NRM: variants seen among roughly 807,000 people sequenced by gnomAD.
NRM encodes nurim, also known as nuclear rim protein.
In NRM, 19 loss-of-function variants were observed where a neutral mutation model predicts 23.4. That is an observed-to-expected ratio of 0.81 (90% CI 0.57 to 1.19). The LOEUF is 1.19. NRM is among the 50% of genes most tolerant of loss of function. The pLI is 0.00. For missense variants in NRM, 232 were observed against 329.7 expected, an observed-to-expected ratio of 0.70 and a Z score of 2.30; for synonymous variants, 140 against 143.5, an observed-to-expected ratio of 0.98 and a Z score of 0.17.
In NRM at chr6:30,688,919, C is replaced by A; in HGVS notation, c.531G>T (p.Leu177=). 1.2e-6 allele frequency: 2 copies of A among 1,613,154 alleles called. No homozygotes were observed. The highest frequency in any genetic ancestry group is 8.5e-7 in the Non-Finnish European group (1 of 1,179,854). Residue 177 remains leucine (L), a synonymous_variant, in exon 4 of 4, where the codon CTG becomes CTT. Coordinates refer to ENST00000376421, the MANE Select transcript of NRM (RefSeq NM_001384369.1). The surrounding 1 kb of genome is among the most constrained non-coding windows in gnomAD (Gnocchi z 5.9). ...LKQVYYHVLG[L]GEPLALKSPR... ...GAGACTTCAGGGCCAGAGGCTCGCCCAGCCCCAGCACATGGTAGTATACCT... is the reference window on the plus strand; with the variant it reads ...GAGACTTCAGGGCCAGAGGCTCGCCAAGCCCCAGCACATGGTAGTATACCT...
chr6:30,688,648 C>T lies in NRM; in HGVS notation c.*13G>A. 1 of 1,610,958 alleles carries T rather than the reference C, an allele frequency of 6.2e-7. No homozygotes were observed. The highest frequency in any genetic ancestry group is 8.5e-7 in the Non-Finnish European group (1 of 1,178,226). On this transcript the variant is annotated 3_prime_UTR_variant, in exon 4 of 4. Transcript: ENST00000376421. This position sits in a 1 kb window ranked among gnomAD's most constrained non-coding sequence, Gnocchi z 5.9. ...GGAGAGGAAGAACAGGGCTTGTAAC[C>T]AGAGTGAGCTCCTCACTCTGCCTCC...
At position 30,689,211 on chromosome 6, in the gene NRM, C is replaced by T. The variant is rs781460772; in HGVS notation, c.507+65G>A. 6.9e-7 allele frequency: 1 copy of T among 1,451,630 alleles called. No individual in the cohort carries two copies. The highest frequency in any genetic ancestry group is 2.2e-5 in the Admixed American group (1 of 45,336). 89.9% of individuals were successfully genotyped at this position (1,451,630 alleles called of 1,614,324 possible). ...AGAAGAGCATGGGAGGAGGGAAACC[C>T]TTGAAAGGGAACGAGGAGTTCTAAA... On this transcript the variant is annotated intron_variant, in intron 3 of 3. Transcript: ENST00000376421. The surrounding 1 kb of genome is among the most constrained non-coding windows in gnomAD (Gnocchi z 4.7).
At position 30,689,276 on chromosome 6, in the gene NRM, C is replaced by T. The variant is rs1287155529; in HGVS notation, c.507G>A (p.Gln169=). The T allele has an allele frequency of 1.9e-6, 3 of 1,552,598 alleles. No individual in the cohort carries two copies. The highest frequency in any genetic ancestry group is 2.7e-5 in the African/African-American group (2 of 73,082). Residue 169 remains glutamine (Q), a splice_region_variant and synonymous_variant, in exon 3 of 4, where the codon CAG becomes CAA. Transcript: ENST00000376421. The surrounding 1 kb of genome is among the most constrained non-coding windows in gnomAD (Gnocchi z 4.7). ...ATAGGTAGGGATCTCGGAGCCTCAC[C>T]TGTTTGAGGCCCATGAGCTCAGCAT... The part of the protein sequence containing the change: ...FDYAELMGLK[Q]VYYHVLGLGE...
rs532056451 is a variant in NRM, at chr6:30,690,240, G to C, written c.137C>G (p.Ala46Gly). 3 of 1,569,236 alleles carry C rather than the reference G, an allele frequency of 1.9e-6. No individual in the cohort carries two copies. Among genetic ancestry groups the C allele is most frequent in the East Asian group, 2.3e-5 (1 of 44,058 alleles). Residue 46 changes from alanine (A) to glycine (G), a missense_variant, in exon 2 of 4, where the codon GCC (alanine) becomes GGC (glycine). By Grantham distance (60) the Ala-to-Gly change is moderately conservative. Coordinates refer to ENST00000376421, the MANE Select transcript of NRM (RefSeq NM_001384369.1). This position sits in a 1 kb window ranked among gnomAD's most constrained non-coding sequence, Gnocchi z 5.5. ...CAGGGCAGCCAGCCATCCCTGGCGG[G>C]CATCTACAGGAAGTTGAGGGAAAAA... Reference protein sequence around the residue: ...GGIPESGGPDARQGWLAALQD... With the variant: ...GGIPESGGPDGRQGWLAALQD...
At position 30,688,532 on chromosome 6, in the gene NRM, G is replaced by A. The variant is rs973871151; in HGVS notation, c.*129C>T. ...CTGGACCCAGAGAATAAAGTCTCAA[G>A]TAGTAGAAGGGGCATCTCCTTCAGT... On this transcript the variant is annotated 3_prime_UTR_variant, in exon 4 of 4. Coordinates refer to ENST00000376421, the MANE Select transcript of NRM (RefSeq NM_001384369.1). This position sits in a 1 kb window ranked among gnomAD's most constrained non-coding sequence, Gnocchi z 5.9. 1 of 1,041,386 alleles carries A rather than the reference G, an allele frequency of 9.6e-7. No individual in the cohort carries two copies. Among genetic ancestry groups the A allele is most frequent in the Non-Finnish European group, 1.4e-6 (1 of 709,026 alleles). 64.5% of individuals were successfully genotyped at this position (1,041,386 alleles called of 1,614,324 possible).
At position 30,688,966 on chromosome 6, in the gene NRM, A is replaced by C; in HGVS notation, c.508-24T>G. The C allele has an allele frequency of 6.9e-6, 11 of 1,599,236 alleles. No individual in the cohort carries two copies. Among genetic ancestry groups the C allele is most frequent in the Non-Finnish European group, 9.4e-6 (11 of 1,172,118 alleles). Reference sequence around the variant, plus strand: ...ACCTAAGAGAGGGAGAAGAGCTTAGAAATGGAGTCAAGCCCTTTTCTCATC... The same window carrying C: ...ACCTAAGAGAGGGAGAAGAGCTTAGCAATGGAGTCAAGCCCTTTTCTCATC... On this transcript the variant is annotated intron_variant, in intron 3 of 3. Transcript: ENST00000376421. This position sits in a 1 kb window ranked among gnomAD's most constrained non-coding sequence, Gnocchi z 5.9.
In NRM at chr6:30,688,476, G is replaced by A. The variant is rs2127620306; in HGVS notation, c.*185C>T. 8.9e-6 allele frequency: 6 copies of A among 672,676 alleles called. No homozygotes were observed. The highest frequency in any genetic ancestry group is 1.0e-5 in the Non-Finnish European group (4 of 401,250). 41.7% of individuals were successfully genotyped at this position (672,676 alleles called of 1,614,324 possible). On this transcript the variant is annotated 3_prime_UTR_variant, in exon 4 of 4. Transcript: ENST00000376421. This position sits in a 1 kb window ranked among gnomAD's most constrained non-coding sequence, Gnocchi z 5.9. ...GGTGAGAAGTGGACCTTGGAGTTCA[G>A]TGGCTGAAACTCAGAATTTAGGGTA...
chr6:30,688,396 T>TA lies in NRM; in HGVS notation c.*264_*265insT. 1 of 558,888 alleles carries TA rather than the reference T, an allele frequency of 1.8e-6. No homozygotes were observed. Among genetic ancestry groups the TA allele is most frequent in the South Asian group, 2.3e-5 (1 of 43,746 alleles). The allele number at this position is 558,888 out of a possible 1,614,324, so 34.6% of individuals were successfully genotyped here. A position where few individuals can be genotyped will look rare whatever the true frequency, so the allele number is the denominator to read the frequency against. On this transcript the variant is annotated 3_prime_UTR_variant, in exon 4 of 4. Coordinates refer to ENST00000376421, the MANE Select transcript of NRM (RefSeq NM_001384369.1). This position sits in a 1 kb window ranked among gnomAD's most constrained non-coding sequence, Gnocchi z 5.9. ...CAGGAGGCTGTTGAGGGGGAGAGTG[T>TA]CATGCTCTAAACAGTGAAGGGACAG... is the stretch of plus-strand genomic sequence containing the variant.
upstream of NRM, chr6:30,691,054 G>T: frequency 2.0e-6 from 3 of 1,498,578 alleles, no homozygotes; most frequent in Non-Finnish European, 2.7e-6. Flanking sequence ...CCCGCCCCCG[G>T]CTGAATCCAG....
At position 30,689,417 on chromosome 6, in the gene NRM, G is replaced by A; in HGVS notation, c.366C>T (p.Gly122=). 6.3e-7 allele frequency: 1 copy of A among 1,575,272 alleles called. No homozygotes were observed. Among genetic ancestry groups the A allele is most frequent in the Non-Finnish European group, 8.6e-7 (1 of 1,160,566 alleles). The change falls in exon 3 of 4, where the codon GGC becomes GGT. Residue 122 remains glycine (G), a synonymous_variant. Transcript: ENST00000376421. The surrounding 1 kb of genome is among the most constrained non-coding windows in gnomAD (Gnocchi z 4.7). ...CAGCCCGAGCCTCCCACAACACAGGGCCTTTGGGTATGGGCTCCCAGTACC... is the reference window on the plus strand; with the variant it reads ...CAGCCCGAGCCTCCCACAACACAGGACCTTTGGGTATGGGCTCCCAGTACC... ...VMRYWEPIPK[G]PVLWEARAEP...
Position 30,689,086 on chromosome 6 carries a change from C to G in NRM, c.508-144G>C, listed in dbSNP as rs1771287166. ...AGACTTGGATCCCTGATCCTGACTTCTGATCCATGTACCTTCCCCAGGCCC... is the reference window on the plus strand; with the variant it reads ...AGACTTGGATCCCTGATCCTGACTTGTGATCCATGTACCTTCCCCAGGCCC... On this transcript the variant is annotated intron_variant, in intron 3 of 3. Coordinates refer to ENST00000376421, the MANE Select transcript of NRM (RefSeq NM_001384369.1). The surrounding 1 kb of genome is among the most constrained non-coding windows in gnomAD (Gnocchi z 4.7). 2 of 1,131,838 alleles carry G rather than the reference C, an allele frequency of 1.8e-6. No individual in the cohort carries two copies. The highest frequency in any genetic ancestry group is 1.6e-5 in the South Asian group (1 of 61,502). 70.1% of individuals were successfully genotyped at this position (1,131,838 alleles called of 1,614,324 possible). A position where few individuals can be genotyped will look rare whatever the true frequency, so the allele number is the denominator to read the frequency against.
Position 30,690,664 on chromosome 6 carries a change from C to T in NRM, c.133+178G>A. 5.6e-6 allele frequency: 9 copies of T among 1,601,632 alleles called. No individual in the cohort carries two copies. The highest frequency in any genetic ancestry group is 6.0e-6 in the Non-Finnish European group (7 of 1,175,064). On this transcript the variant is annotated intron_variant, in intron 1 of 3. Coordinates refer to ENST00000376421, the MANE Select transcript of NRM (RefSeq NM_001384369.1). This position sits in a 1 kb window ranked among gnomAD's most constrained non-coding sequence, Gnocchi z 5.5. ...TCTCCCGCCTCTCCAAAACTCTAAT[C>T]CTTGAGTTCCTAATTTAGAACTCAG...
At position 30,689,028 on chromosome 6, in the gene NRM, T is replaced by G. The variant is rs534979900; in HGVS notation, c.508-86A>C. 7.1e-7 allele frequency: 1 copy of G among 1,415,750 alleles called. No homozygotes were observed. Among genetic ancestry groups the G allele is most frequent in the South Asian group, 1.4e-5 (1 of 71,116 alleles). 87.7% of individuals were successfully genotyped at this position (1,415,750 alleles called of 1,614,324 possible). ...TTTCCTCCTCTTCCAGGCACCACCC[T>G]TCTAGAACTCAGGCCCAGGAACCCC... On this transcript the variant is annotated intron_variant, in intron 3 of 3. Transcript: ENST00000376421. This position sits in a 1 kb window ranked among gnomAD's most constrained non-coding sequence, Gnocchi z 4.7.
rs1342031158 is a variant in NRM, at chr6:30,690,625, C to T, written c.133+217G>A. ...ACTCCGGTCACCGCCCTTTTCGGCTCCCTCAGTCCTCACTCTCCCGCCTCT... is the reference window on the plus strand; with the variant it reads ...ACTCCGGTCACCGCCCTTTTCGGCTTCCTCAGTCCTCACTCTCCCGCCTCT... On this transcript the variant is annotated intron_variant, in intron 1 of 3. Transcript: ENST00000376421. The surrounding 1 kb of genome is among the most constrained non-coding windows in gnomAD (Gnocchi z 5.5). 1 of 1,560,374 alleles carries T rather than the reference C, an allele frequency of 6.4e-7. No homozygotes were observed. Among genetic ancestry groups the T allele is most frequent in the Admixed American group, 1.9e-5 (1 of 52,372 alleles).
chr6:30,688,770 T>TAG lies in NRM; in HGVS notation c.678_679dup (p.Tyr227SerfsTer82), dbSNP rs764677622. ...ATCAAGCCCGTGAGCCAGGCCCAGG[T>TAG]AGAGGGTAAGGAGGAAAGCAAGGAG... On this transcript the variant is annotated frameshift_variant, in exon 4 of 4. Coordinates refer to ENST00000376421, the MANE Select transcript of NRM (RefSeq NM_001384369.1). LOFTEE classifies it high-confidence loss of function. The surrounding 1 kb of genome is among the most constrained non-coding windows in gnomAD (Gnocchi z 5.9). 2 of 1,612,060 alleles carry TAG rather than the reference T, an allele frequency of 1.2e-6. No homozygotes were observed. Among genetic ancestry groups the TAG allele is most frequent in the Admixed American group, 1.7e-5 (1 of 59,802 alleles).
chr6:30,690,424 G>C lies in NRM; in HGVS notation c.134-181C>G. 8.9e-7 allele frequency: 1 copy of C among 1,119,682 alleles called. No individual in the cohort carries two copies. The highest frequency in any genetic ancestry group is 1.2e-6 in the Non-Finnish European group (1 of 801,844). 69.4% of individuals were successfully genotyped at this position (1,119,682 alleles called of 1,614,324 possible). On this transcript the variant is annotated intron_variant, in intron 1 of 3. Transcript: ENST00000376421. The surrounding 1 kb of genome is among the most constrained non-coding windows in gnomAD (Gnocchi z 5.5). ...TCCCTAGTTTCTGCCCTCTTCCCTA[G>C]GCCTCCTGCAAACCTGGGGAAGAGG...
chr6:30,691,323 G>A (rs1771638186), upstream of NRM: 2 of 264,498 alleles, frequency 7.6e-6, no homozygotes, highest in Non-Finnish European at 7.4e-6. Context: ...ATAAATTAAT[G>A]TATGGAATAC....
chr6:30,688,975 C>G lies in NRM; in HGVS notation c.508-33G>C. 6.3e-7 allele frequency: 1 copy of G among 1,590,102 alleles called. No individual in the cohort carries two copies. The highest frequency in any genetic ancestry group is 8.6e-7 in the Non-Finnish European group (1 of 1,167,136). On this transcript the variant is annotated intron_variant, in intron 3 of 3. Coordinates refer to ENST00000376421, the MANE Select transcript of NRM (RefSeq NM_001384369.1). The surrounding 1 kb of genome is among the most constrained non-coding windows in gnomAD (Gnocchi z 5.9). ...AGGGAGAAGAGCTTAGAAATGGAGT[C>G]AAGCCCTTTTCTCATCTTGGGCACT...
In NRM at chr6:30,690,324, C is replaced by A; in HGVS notation, c.134-81G>T. The A allele has an allele frequency of 2.3e-6, 3 of 1,291,880 alleles. No individual in the cohort carries two copies. The highest frequency in any genetic ancestry group is 3.2e-6 in the Non-Finnish European group (3 of 945,426). 80.0% of individuals were successfully genotyped at this position (1,291,880 alleles called of 1,614,324 possible). A position where few individuals can be genotyped will look rare whatever the true frequency, so the allele number is the denominator to read the frequency against. ...CCCCCACCCTCATCTCCTCTTGGAT[C>A]CCCAGGCCATGTCCCTTACTGCTTT... On this transcript the variant is annotated intron_variant, in intron 1 of 3. Transcript: ENST00000376421. This position sits in a 1 kb window ranked among gnomAD's most constrained non-coding sequence, Gnocchi z 5.5.
Sources: gnomAD v4.1 joint callset for allele counts on GRCh38, gnomAD v4.1.1 for gene constraint, Gnocchi (gnomAD v3.1) non-coding constraint, MANE v1.5 for transcripts, NCBI Gene and HGNC (gene_info 2026-07-23, HGNC 2026-07-21) for gene names.